The following CTF1 variants were observed in gnomAD, a reference collection of about 807,000 sequenced individuals.
The protein encoded by CTF1 is cardiotrophin 1, also known as cardiotrophin-1.
CTF1 carries 9 observed loss-of-function variants against 10.9 expected under a neutral mutation model. That is an observed-to-expected ratio of 0.83 (90% confidence interval 0.50 to 1.44). CTF1 has a LOEUF of 1.44. CTF1 is among the 40% of genes most tolerant of loss of function. The pLI is 0.00. For synonymous variants in CTF1, 133 were observed against 138.8 expected (o/e 0.96, Z 0.29); for missense variants, 259 against 275.3 (o/e 0.94, Z 0.42).
chr16:30,896,925 C>T (rs1215636302), intron 1 of CTF1, among the ~76,000 whole-genome samples: 1 of 152,050 alleles, frequency 6.6e-6, no homozygotes, highest in East Asian at 1.9e-4. Context: ...TTCGAGTACA[C>T]CCAGGGGGAG....
intron 1 of CTF1, among the ~76,000 whole-genome samples, chr16:30,899,049 T>C (rs1049375607): frequency 5.3e-5 from 8 of 152,220 alleles, no homozygotes; most frequent in Admixed American, 3.9e-4. Flanking sequence ...TAGGAACAAT[T>C]GACTAACACC....
In CTF1 at chr16:30,902,698, GGGCAGGGTCTCTGTCGCCCA is replaced by G. The variant is rs1255676387; in HGVS notation, c.*163_*182del. On this transcript the variant is annotated 3_prime_UTR_variant, in exon 3 of 3. Transcript: ENST00000279804. ...TTTTGTGGGGGAGAGGGGAGGGGAC[GGGCAGGGTCTCTGTCGCCCA>G]GGCTGGGGTGCAGTGGCGCGATCCC... 1.7e-6 allele frequency: 2 copies of G among 1,148,716 alleles called. No individual in the cohort carries two copies. The highest frequency in any genetic ancestry group is 3.3e-5 in the African/African-American group (2 of 61,102). 71.2% of individuals were successfully genotyped at this position (1,148,716 alleles called of 1,614,324 possible). A position where few individuals can be genotyped will look rare whatever the true frequency, so the allele number is the denominator to read the frequency against.
At chr16:30,901,738 T>A (rs1596639120) in intron 2 of CTF1, among the ~76,000 whole-genome samples, 2 of 129,708 alleles carry the variant, frequency 1.5e-5, no homozygotes, top group Middle Eastern at 3.5e-3. Flanking sequence ...GCCACCACAC[T>A]CGCTATTTTT....
In CTF1 at chr16:30,899,481, A is replaced by T; in HGVS notation, c.92A>T (p.His31Leu). ...PHLEAKIRQTHSLAHLLTKYA... is the reference protein window; with the variant it reads ...PHLEAKIRQTLSLAHLLTKYA... ...TTGGAGGCCAAGATCCGTCAGACAC[A>T]CAGCCTTGCGCACCTCCTCACCAAA... The change falls in exon 2 of 3, where the codon CAC becomes CTC. Residue 31 changes from histidine (H) to leucine (L), a missense_variant. Transcript: ENST00000279804. 6.2e-7 allele frequency: 1 copy of T among 1,604,816 alleles called. No individual in the cohort carries two copies. Among genetic ancestry groups the T allele is most frequent in the Non-Finnish European group, 8.5e-7 (1 of 1,175,138 alleles).
chr16:30,897,879 G>T (rs921981503), intron 1 of CTF1, among the ~76,000 whole-genome samples: 3 of 152,002 alleles, frequency 2.0e-5, no homozygotes, highest in Non-Finnish European at 4.4e-5. Flanking sequence ...TTTCTCTTTT[G>T]GGATGGAGTC....
At chr16:30,901,356 T>G (rs2055398983) in intron 2 of CTF1, among the ~76,000 whole-genome samples, 3 of 152,138 alleles carry the variant, frequency 2.0e-5, no homozygotes, top group Admixed American at 2.0e-4. Flanking sequence ...GCTTCCCCAT[T>G]CATTGTACAG....
rs397516648 is a variant in CTF1 at position 30,902,213 on chromosome 16, C to T, written c.280C>T (p.Leu94=). 5.9e-4 allele frequency: 688 copies of T among 1,160,236 alleles called. 3 individuals are homozygous for T. The highest frequency in any genetic ancestry group is 6.7e-4 in the Non-Finnish European group (635 of 944,108). 71.9% of individuals were successfully genotyped at this position (1,160,236 alleles called of 1,614,324 possible). A position where few individuals can be genotyped will look rare whatever the true frequency, so the allele number is the denominator to read the frequency against. ...GCGGCTGCGGCTGGACGCGGCGGCGCTGGCCGCGCTGCCCCCGCTGCTGGA... is the reference window on the plus strand; with the variant it reads ...GCGGCTGCGGCTGGACGCGGCGGCGTTGGCCGCGCTGCCCCCGCTGCTGGA... ...HERLRLDAAA[L]AALPPLLDAV... is the part of the protein sequence containing the mutation. Residue 94 remains leucine, a synonymous_variant, in exon 3 of 3, where the codon CTG becomes TTG. Transcript: ENST00000279804.
Position 30,902,507 on chromosome 16 carries a change from C to T in CTF1, c.574C>T (p.Leu192=). ...GTGGCTGAGCCGCACCGAGGGCGAC[C>T]TGGGCCAGCTGCTGCCCGGGGGCTC... ...REWLSRTEGD[L]GQLLPGGSA Residue 192 remains leucine, a synonymous_variant, in exon 3 of 3, where the codon CTG becomes TTG. Transcript: ENST00000279804. The T allele has an allele frequency of 1.2e-5, 18 of 1,492,920 alleles. No individual in the cohort carries two copies. Among genetic ancestry groups the T allele is most frequent in the Non-Finnish European group, 1.6e-5 (18 of 1,125,592 alleles). 92.5% of individuals were successfully genotyped at this position (1,492,920 alleles called of 1,614,324 possible).
chr16:30,896,395 C>T (rs375211384), upstream of CTF1, among the ~76,000 whole-genome samples: 525 of 152,378 alleles, frequency 3.4e-3, 4 homozygotes, highest in African/African-American at 0.011. Flanking sequence ...CCCTGACACC[C>T]CCAGCCCCGA....
In CTF1 at chr16:30,896,648, G is replaced by C. The variant is rs2055352909; in HGVS notation, c.5G>C (p.Ser2Thr). 1 of 1,252,498 alleles carries C rather than the reference G, an allele frequency of 8.0e-7. No homozygotes were observed. Among genetic ancestry groups the C allele is most frequent in the Non-Finnish European group, 1.0e-6 (1 of 989,998 alleles). 77.6% of individuals were successfully genotyped at this position (1,252,498 alleles called of 1,614,324 possible). Residue 2 changes from serine to threonine, a missense_variant, in exon 1 of 3, where the codon AGC (serine) becomes ACC (threonine). Physicochemically the swap from Ser to Thr is moderately conservative, Grantham distance 58. Transcript: ENST00000279804. ...CGGGATCAGCCAGGGGCCAGCATGA[G>C]CCGGAGGGAGGGAAGTCTGGGTAAG... Reference protein sequence around the residue: MSRREGSLEDPQ... With the variant: MTRREGSLEDPQ...
At chr16:30,902,010 A>G in intron 2 of CTF1, 68 bp from the exon 3 acceptor site, 3 of 1,332,332 alleles carry the variant, frequency 2.3e-6, no homozygotes, top group Non-Finnish European at 2.9e-6. Context: ...AGCGGGTTGG[A>G]GAGCCCAGTT....
chr16:30,901,985 C>G, intron 2 of CTF1, 93 bp from the exon 3 acceptor site: 1 of 1,163,308 alleles, frequency 8.6e-7, no homozygotes. Flanking sequence ...GATGAGGAAA[C>G]TGACACCCCC....
intron 2 of CTF1, 47 bp downstream of exon 2, chr16:30,899,580 G>C: frequency 9.5e-7 from 1 of 1,058,030 alleles, no homozygotes; most frequent in Non-Finnish European, 1.4e-6. Flanking sequence ...GGGAATGGGA[G>C]CAGACATCAC....
chr16:30,896,417 C>G (rs2055349024), upstream of CTF1, among the ~76,000 whole-genome samples: 2 of 152,256 alleles, frequency 1.3e-5, no homozygotes, highest in Admixed American at 6.5e-5. Flanking sequence ...GTCCTGTCCA[C>G]CCGGCAGACA....
At chr16:30,899,328 T>G (rs747290009) in intron 1 of CTF1, 87 bp from the exon 2 acceptor site, 40 of 859,854 alleles carry the variant, frequency 4.7e-5, no homozygotes, top group Non-Finnish European at 6.9e-5. Flanking sequence ...CAGACCCTGA[T>G]GGGGTCAGGA....
intron 2 of CTF1, among the ~76,000 whole-genome samples, chr16:30,900,435 A>G (rs1328539680): frequency 6.6e-6 from 1 of 152,162 alleles, no homozygotes; most frequent in Non-Finnish European, 1.5e-5. Context: ...TGTAACAATT[A>G]TGGCAGCGGA....
chr16:30,899,569 G>T (rs764363999), intron 2 of CTF1, 36 bp downstream of exon 2: 2 of 1,064,506 alleles, frequency 1.9e-6, no homozygotes, highest in East Asian at 2.5e-5. Context: ...CCGGGGGCCT[G>T]GGGAATGGGA....
At chr16:30,899,597 C>A in intron 2 of CTF1, 64 bp downstream of exon 2, 1 of 927,778 alleles carries the variant, frequency 1.1e-6, no homozygotes, top group South Asian at 1.6e-5. Context: ...TCACAGAGGT[C>A]CTCGATCACC....
intron 2 of CTF1, among the ~76,000 whole-genome samples, chr16:30,901,813 G>C (rs898787555): frequency 6.7e-6 from 1 of 150,198 alleles, no homozygotes; most frequent in African/African-American, 2.5e-5. Context: ...CGAACCCCTG[G>C]GCTCAAGTGA....
Sources: allele counts gnomAD v4.1 joint callset (sites outside exome capture counted in the v4.1 genomes callset), GRCh38; gene constraint gnomAD v4.1.1; transcripts MANE v1.5; gene names NCBI Gene and HGNC (gene_info 2026-07-23, HGNC 2026-07-21).